PIK3C2B: variants seen among roughly 807,000 people sequenced by gnomAD.
PIK3C2B encodes the protein phosphatidylinositol 4-phosphate 3-kinase C2 domain-containing subunit beta.
PIK3C2B carries 83 observed loss-of-function variants against 184.3 expected under a neutral mutation model. The observed-to-expected ratio is 0.45, with a 90% CI of 0.38 to 0.54. PIK3C2B has a LOEUF of 0.54. Among genes scored for constraint, PIK3C2B ranks in the 20% least tolerant of loss-of-function variants. The pLI, the probability that PIK3C2B is intolerant of heterozygous loss-of-function variation, is 0.00. For synonymous variants in PIK3C2B, 779 were observed against 837.6 expected, an observed-to-expected ratio of 0.93 and a Z score of 1.21; for missense variants, 1,736 against 2,113.5, an observed-to-expected ratio of 0.82 and a Z score of 3.50.
At chr1:204,477,320 C>T (rs1656785680) in intron 1 of PIK3C2B, among the ~76,000 whole-genome samples, 1 of 152,118 alleles carries the variant, frequency 6.6e-6, no homozygotes, top group Admixed American at 6.6e-5. Flanking sequence ...CCAGGTTTGA[C>T]CCCACAGAAG....
At chr1:204,466,479 C>T (rs12090869) in intron 2 of PIK3C2B, among the ~76,000 whole-genome samples, 4,516 of 51,082 alleles carry the variant, frequency 0.088, 251 homozygotes, top group African/African-American at 0.33. Flanking sequence ...TGTGCATGGG[C>T]GGCGGGGGGT....
rs193068983 is a variant in PIK3C2B, at chr1:204,428,300, T to C, written c.4399-80A>G. 4.9e-6 allele frequency: 4 copies of C among 819,504 alleles called. No individual in the cohort carries two copies. The Admixed American group carries it at 8.9e-5, about 18-fold the overall frequency. 50.8% of individuals were successfully genotyped at this position (819,504 alleles called of 1,614,324 possible). Reference sequence around the variant, plus strand: ...AAAAGGAAGGGGACTGTTCCAGATGTAAAAAGACTTAGGAAATATAACAAC... The same window carrying C: ...AAAAGGAAGGGGACTGTTCCAGATGCAAAAAGACTTAGGAAATATAACAAC... On this transcript the variant is annotated intron_variant, in intron 29 of 32. Transcript: ENST00000684373.
At chr1:204,474,623 C>T (rs992919474) in intron 1 of PIK3C2B, among the ~76,000 whole-genome samples, 6 of 152,084 alleles carry the variant, frequency 3.9e-5, no homozygotes, top group Admixed American at 1.3e-4. Context: ...CTTCCTTTGT[C>T]CACCCCTGAA....
rs1190857512 is a variant in PIK3C2B, at chr1:204,447,100, G to C, written c.2489+336C>G. Among the ~76,000 whole-genome samples, 1 of 152,042 alleles carries C rather than the reference G, an allele frequency of 6.6e-6. No homozygotes were observed. The highest frequency in any genetic ancestry group is 1.5e-5 in the Non-Finnish European group (1 of 68,008). On this transcript the variant is annotated intron_variant, in intron 15 of 32. Coordinates refer to ENST00000684373, the MANE Select transcript of PIK3C2B (RefSeq NM_001377334.1). This position sits in a 1 kb window ranked among gnomAD's most constrained non-coding sequence, Gnocchi z 4.1. ...GGGGCAGGAGGTGAGAGCAAGAGGT[G>C]GGGGCAGGGTGGTGGGGCCAGCTGC...
chr1:204,436,341 G>A (rs534612512), intron 23 of PIK3C2B, among the ~76,000 whole-genome samples: 1 of 152,184 alleles, frequency 6.6e-6, no homozygotes, highest in East Asian at 1.9e-4. Context: ...TCCAGCCTGG[G>A]CAACATGGCA....
At chr1:204,460,255 C>A in intron 7 of PIK3C2B, 69 bp downstream of exon 7, 1 of 1,273,896 alleles carries the variant, frequency 7.8e-7, no homozygotes. Flanking sequence ...GAAAGGCAAG[C>A]AGGCACATCT....
chr1:204,433,046 G>A lies in PIK3C2B; in HGVS notation c.3953+270C>T, dbSNP rs1017814520. Among the ~76,000 whole-genome samples the A allele has an allele frequency of 6.6e-6, 1 of 152,196 alleles. No homozygotes were observed. The highest frequency in any genetic ancestry group is 2.4e-5 in the African/African-American group (1 of 41,450). On this transcript the variant is annotated intron_variant, in intron 26 of 32. Transcript: ENST00000684373. The surrounding 1 kb of genome is among the most constrained non-coding windows in gnomAD (Gnocchi z 5.0). ...TGCCCCATAGACAAAGTATTTGATG[G>A]GACCTAGTGAGAATGTAGATAAGAG...
rs143439301 is a variant in PIK3C2B, at chr1:204,454,154, G to A, written c.2066+515C>T. ...TCTCATTGGATCCTCATGACAACTT[G>A]AGAAGTGGTAATTATACTTGGCTCC... On this transcript the variant is annotated intron_variant, in intron 12 of 32. Coordinates refer to ENST00000684373, the MANE Select transcript of PIK3C2B (RefSeq NM_001377334.1). 4.6e-5 allele frequency among the ~76,000 whole-genome samples: 7 copies of A among 152,122 alleles called. No individual in the cohort carries two copies. In the East Asian group the frequency reaches 1.4e-3, roughly 29 times the overall value.
At position 204,449,977 on chromosome 1, in the gene PIK3C2B, T is replaced by C; in HGVS notation, c.2107A>G (p.Thr703Ala). ...GCATAGAGAGTGGCACACAGCAGTG[T>C]CTCCCGAGGCAGCCGGTTCACCTGC... is the stretch of plus-strand genomic sequence containing the variant. ...PVQVNRLPRE[T>A]LLCATLYALP... Residue 703 changes from threonine to alanine, a missense_variant, in exon 13 of 33, where the codon ACA becomes GCA. Physicochemically the swap from Thr to Ala is moderately conservative, Grantham distance 58. Around this residue, in one of 8 missense-constraint regions of PIK3C2B, gnomAD observed 609 missense variants for 699.2 expected, o/e 0.87. Coordinates refer to ENST00000684373, the MANE Select transcript of PIK3C2B (RefSeq NM_001377334.1). The C allele has an allele frequency of 6.3e-7, 1 of 1,598,926 alleles. No individual in the cohort carries two copies. Among genetic ancestry groups the C allele is most frequent in the South Asian group, 1.1e-5 (1 of 88,532 alleles).
intron 9 of PIK3C2B, 119 bp from the exon 10 acceptor site, chr1:204,457,189 G>A (rs1572347732): frequency 1.3e-6 from 1 of 773,906 alleles, no homozygotes; most frequent in East Asian, 2.7e-5. Flanking sequence ...AATGTGAGTA[G>A]CTGAGAATCC....
intron 1 of PIK3C2B, among the ~76,000 whole-genome samples, chr1:204,482,640 C>T (rs1390105391): frequency 1.3e-5 from 2 of 152,032 alleles, no homozygotes; most frequent in Non-Finnish European, 2.9e-5. Context: ...CAAAAATTAG[C>T]TGGTGTGGTG....
chr1:204,485,546 T>C (rs1290441509), intron 1 of PIK3C2B, among the ~76,000 whole-genome samples: 1 of 151,490 alleles, frequency 6.6e-6, no homozygotes, highest in Admixed American at 6.6e-5. Context: ...ATAATCTTCC[T>C]ACAGGGCAGC....
rs906632923 is a variant in PIK3C2B, at chr1:204,424,098, G to C, written c.*754C>G. The C allele has an allele frequency of 6.5e-6, 1 of 153,042 alleles. No homozygotes were observed. The highest frequency in any genetic ancestry group is 2.4e-5 in the African/African-American group (1 of 41,444). 9.5% of individuals were successfully genotyped at this position (153,042 alleles called of 1,614,324 possible). ...TCCCCCCAAAAGAGCATGGGTCCCT[G>C]AATACGGGTCCTTGGCAGAACCCCA... On this transcript the variant is annotated 3_prime_UTR_variant, in exon 33 of 33. Transcript: ENST00000684373.
At chr1:204,456,921 CACA>C (rs1654913006) in intron 10 of PIK3C2B, 113 bp downstream of exon 10, 1 of 199,860 alleles carries the variant, frequency 5.0e-6, no homozygotes, top group Non-Finnish European at 1.1e-5. Flanking sequence ...CACACACACA[CACA>C]CCAGCCGAAC....
intron 2 of PIK3C2B, among the ~76,000 whole-genome samples, chr1:204,468,560 C>T (rs777836606): frequency 5.3e-5 from 8 of 152,200 alleles, no homozygotes; most frequent in Non-Finnish European, 8.8e-5. Flanking sequence ...CCATAACTCC[C>T]AATTCAGTCC....
chr1:204,444,629 C>T (rs1326217805), intron 16 of PIK3C2B, among the ~76,000 whole-genome samples: 1 of 152,158 alleles, frequency 6.6e-6, no homozygotes, highest in Non-Finnish European at 1.5e-5. Context: ...TCAGAGTCTG[C>T]CTTGAGCCAT....
intron 1 of PIK3C2B, among the ~76,000 whole-genome samples, chr1:204,482,022 G>A (rs1025839673): frequency 1.3e-5 from 2 of 150,582 alleles, no homozygotes; most frequent in Non-Finnish European, 2.9e-5. Flanking sequence ...TTAAAAAGCA[G>A]AATCTAAGGA....
chr1:204,493,634 G>A (rs1021276363), intron 1 of PIK3C2B, among the ~76,000 whole-genome samples: 2 of 151,812 alleles, frequency 1.3e-5, no homozygotes, highest in Admixed American at 6.6e-5. Context: ...AGCCTGCCAA[G>A]CCCCTGGGCT....
intron 20 of PIK3C2B, among the ~76,000 whole-genome samples, 190 bp downstream of exon 20, chr1:204,442,336 C>A (rs1200267468): frequency 6.6e-6 from 1 of 152,148 alleles, no homozygotes; most frequent in Non-Finnish European, 1.5e-5. Context: ...ATAACATAAT[C>A]CTCACCATGT....
Sources: gnomAD v4.1 joint callset for allele counts (sites outside exome capture counted in the v4.1 genomes callset) on GRCh38, gnomAD v4.1.1 for gene constraint, gnomAD v4.1.1 regional missense constraint, Gnocchi (gnomAD v3.1) non-coding constraint, MANE v1.5 for transcripts, NCBI Gene and HGNC (gene_info 2026-07-23, HGNC 2026-07-21) for gene names.